Variants in RABL2A observed in about 807,000 individuals in gnomAD.
RABL2A encodes RAB, member of RAS oncogene family like 2A.
Under a neutral mutation model 30.7 loss-of-function variants are expected in RABL2A, and 17 were observed. The observed-to-expected ratio is 0.55, with a 90% CI of 0.38 to 0.83. The LOEUF (loss-of-function observed/expected upper bound fraction) is 0.83, where lower values mean the gene tolerates loss of function less well. Ranked by LOEUF, RABL2A falls within the 40% of genes least tolerant of loss-of-function variation. The probability of loss-of-function intolerance (pLI) is 0.00; values close to 1 mark genes in which losing one functional copy is unlikely to be tolerated. For missense variants in RABL2A, 155 were observed against 272.6 expected (o/e 0.57, Z 3.04); for synonymous variants, 64 against 101.8 (o/e 0.63, Z 2.24).
At chr2:113,639,866 A>G (rs1378014064) in intron 5 of RABL2A, among the ~76,000 whole-genome samples, 1 of 73,300 alleles carries the variant, frequency 1.4e-5, no homozygotes, top group South Asian at 3.8e-4. Flanking sequence ...AAAAAAAAAA[A>G]AAATCGGGCA....
chr2:113,633,748 G>T, intron 3 of RABL2A: 1 of 238,226 alleles, frequency 4.2e-6, no homozygotes, highest in Non-Finnish European at 8.5e-6. Flanking sequence ...ATGGCTTGTG[G>T]GAGCTTCTGT....
chr2:113,641,915 G>A (rs1252860752), intron 8 of RABL2A, 51 bp downstream of exon 8: 15 of 1,451,048 alleles, frequency 1.0e-5, no homozygotes, highest in South Asian at 1.3e-5. Context: ...CTCCTCTTCA[G>A]GGATAGGGAC....
chr2:113,629,010 G>A (rs1340496684), intron 2 of RABL2A, among the ~76,000 whole-genome samples: 1 of 149,400 alleles, frequency 6.7e-6, no homozygotes, highest in Non-Finnish European at 1.5e-5. Context: ...GCAAGGGCGG[G>A]GAGTGGGAAT....
At chr2:113,640,102 G>T (rs1265981250) in intron 5 of RABL2A, 1 of 151,866 alleles carries the variant, frequency 6.6e-6, no homozygotes, top group Non-Finnish European at 1.5e-5. Flanking sequence ...AGCTGTGATT[G>T]AGCCACTGCA....
rs1392791195 is a variant in RABL2A, at chr2:113,643,314, G to A, written c.*1185G>A. The A allele has an allele frequency of 2.9e-6, 1 of 345,540 alleles. No individual in the cohort carries two copies. The highest frequency in any genetic ancestry group is 5.7e-6 in the Non-Finnish European group (1 of 175,856). The allele number at this position is 345,540 out of a possible 1,614,324, so 21.4% of individuals were successfully genotyped here. ...TAGTATGTTTTTATGATAATCTCGG[G>A]CATTGTTTGCATTGTGTTTATTAAT... On this transcript the variant is annotated 3_prime_UTR_variant, in exon 9 of 9. Coordinates refer to ENST00000683472, the MANE Select transcript of RABL2A (RefSeq NM_001306158.2).
chr2:113,641,474 T>C (rs1474815916), intron 7 of RABL2A, 24 bp downstream of exon 7: 1 of 1,611,184 alleles, frequency 6.2e-7, no homozygotes, highest in African/African-American at 1.3e-5. Flanking sequence ...CAGAGGTAGC[T>C]AGCAAGGTCA....
chr2:113,641,238 T>G (rs1434213044), intron 6 of RABL2A, 115 bp from the exon 7 acceptor site: 1 of 1,542,836 alleles, frequency 6.5e-7, no homozygotes, highest in East Asian at 2.3e-5. Context: ...TTCTAGGACA[T>G]GTTTCCCAAT....
At chr2:113,639,751 G>A (rs1286410311) in intron 5 of RABL2A, among the ~76,000 whole-genome samples, 1 of 152,050 alleles carries the variant, frequency 6.6e-6, no homozygotes, top group Non-Finnish European at 1.5e-5. Flanking sequence ...AGCTACTGAG[G>A]AGGCTGAGAC....
At chr2:113,633,023 C>A (rs1162549769) in intron 3 of RABL2A, 79 bp downstream of exon 3, 1 of 1,606,978 alleles carries the variant, frequency 6.2e-7, no homozygotes, top group Non-Finnish European at 8.5e-7. Context: ...CTGCCCACCC[C>A]TTTGTACCAG....
At chr2:113,629,215 C>T (rs947990887) in intron 2 of RABL2A, among the ~76,000 whole-genome samples, 1 of 152,182 alleles carries the variant, frequency 6.6e-6, no homozygotes, top group African/African-American at 2.4e-5. Context: ...GAGGCTCTGC[C>T]GTGCTGCCAG....
rs1364492179 is a variant in RABL2A, at chr2:113,631,402, G to A, written c.108-1513G>A. ...TGTGAGTACAGACTAGAGTGATGGG[G>A]GAAACTTACAAGCAGAAAGGTCACA... On this transcript the variant is annotated intron_variant, in intron 2 of 8. Coordinates refer to ENST00000683472, the MANE Select transcript of RABL2A (RefSeq NM_001306158.2). Among the ~76,000 whole-genome samples, 3 of 152,068 alleles carry A rather than the reference G, an allele frequency of 2.0e-5. No individual in the cohort carries two copies. The East Asian group carries it at 5.8e-4, about 29-fold the overall frequency.
In RABL2A at chr2:113,635,128, A is replaced by G. The variant is rs1475646105; in HGVS notation, c.295A>G (p.Met99Val). The part of the protein sequence containing the change: ...SYYHKAHACI[M>V]VFDIQRKVTY... ...CTACCACAAGGCCCATGCCTGCATC[A>G]TGGTACGAGACGGTGGGGAGGTGGA... Residue 99 changes from methionine to valine, a missense_variant and splice_region_variant, in exon 5 of 9, where the codon ATG (methionine) becomes GTG (valine). Met to Val is a conservative substitution (Grantham distance 21, BLOSUM62 1). Transcript: ENST00000683472. 1.2e-6 allele frequency: 2 copies of G among 1,614,130 alleles called. No individual in the cohort carries two copies. Among genetic ancestry groups the G allele is most frequent in the Admixed American group, 1.7e-5 (1 of 60,022 alleles).
At chr2:113,629,638 C>T (rs969231053) in intron 2 of RABL2A, among the ~76,000 whole-genome samples, 8 of 151,980 alleles carry the variant, frequency 5.3e-5, no homozygotes, top group Admixed American at 1.3e-4. Context: ...GGGTTCACAC[C>T]ATTCTCCTGC....
chr2:113,639,094 T>G (rs2104787500), intron 5 of RABL2A, among the ~76,000 whole-genome samples: 1 of 151,618 alleles, frequency 6.6e-6, no homozygotes, highest in African/African-American at 2.4e-5. Context: ...ACCAGCCTCG[T>G]TAATATAATG....
At chr2:113,635,574 G>T (rs138238768) in intron 5 of RABL2A, 2,782 of 276,612 alleles carry the variant, frequency 0.01, 88 homozygotes, top group African/African-American at 0.055. Context: ...GCCTCCCCCC[G>T]AGCCTCCCAT....
intron 2 of RABL2A, among the ~76,000 whole-genome samples, chr2:113,632,356 C>T (rs1162217032): frequency 6.6e-6 from 1 of 152,188 alleles, no homozygotes; most frequent in Non-Finnish European, 1.5e-5. Context: ...TAACTGACCA[C>T]ATTCAGAATA....
rs1678965442 is a variant in RABL2A at position 113,628,440 on chromosome 2, C to T, written c.-53-114C>T. 5 of 833,122 alleles carry T rather than the reference C, an allele frequency of 6.0e-6. 1 individual carries two copies. The highest frequency in any genetic ancestry group is 8.5e-6 in the Non-Finnish European group (5 of 587,618). 51.6% of individuals were successfully genotyped at this position (833,122 alleles called of 1,614,324 possible). A position where few individuals can be genotyped will look rare whatever the true frequency, so the allele number is the denominator to read the frequency against. Reference sequence around the variant, plus strand: ...CTACTCCAAGTCTAGTAGCCAATTGCATACCATATCTCAGTCTGGCACTGA... The same window carrying T: ...CTACTCCAAGTCTAGTAGCCAATTGTATACCATATCTCAGTCTGGCACTGA... On this transcript the variant is annotated intron_variant, in intron 1 of 8. Coordinates refer to ENST00000683472, the MANE Select transcript of RABL2A (RefSeq NM_001306158.2).
Position 113,635,225 on chromosome 2 carries a change from G to C in RABL2A, c.297+95G>C. On this transcript the variant is annotated intron_variant, in intron 5 of 8. Coordinates refer to ENST00000683472, the MANE Select transcript of RABL2A (RefSeq NM_001306158.2). ...CCCTGGGCCCTTGTAACCAAGTCTG[G>C]GTGTTGTGGGAGGGGGGCTTAGGGT... 12 of 1,300,140 alleles carry C rather than the reference G, an allele frequency of 9.2e-6. No individual in the cohort carries two copies. The South Asian group carries it at 1.5e-4, about 16-fold the overall frequency. The allele number at this position is 1,300,140 out of a possible 1,614,324, so 80.5% of individuals were successfully genotyped here.
At chr2:113,639,078 T>C (rs1415879582) in intron 5 of RABL2A, among the ~76,000 whole-genome samples, 1 of 151,270 alleles carries the variant, frequency 6.6e-6, no homozygotes, top group Non-Finnish European at 1.5e-5. Flanking sequence ...AGCCCGGGAG[T>C]CCAAGACCAG....
Sources: allele counts gnomAD v4.1 joint callset (sites outside exome capture counted in the v4.1 genomes callset), GRCh38; gene constraint gnomAD v4.1.1; transcripts MANE v1.5; gene names NCBI Gene and HGNC (gene_info 2026-07-23, HGNC 2026-07-21).